The following ADAMTS19 variants were observed in gnomAD, a reference collection of about 807,000 sequenced individuals.
ADAMTS19 encodes A disintegrin and metalloproteinase with thrombospondin motifs 19.
ADAMTS19 carries 93 observed loss-of-function variants against 153.3 expected under a neutral mutation model. That is an observed-to-expected ratio of 0.61 (90% confidence interval 0.51 to 0.72). ADAMTS19 has a LOEUF of 0.72. ADAMTS19 is among the 30% of genes least tolerant of loss of function. The probability of loss-of-function intolerance (pLI) is 0.00; values close to 1 mark genes in which losing one functional copy is unlikely to be tolerated. For synonymous variants in ADAMTS19, 600 were observed against 556.6 expected (o/e 1.08, Z -1.10); for missense variants, 1,482 against 1,552.1 (o/e 0.95, Z 0.76).
At position 129,665,515 on chromosome 5, in the gene ADAMTS19, G is replaced by A; in HGVS notation, c.2442G>A (p.Leu814=). ...HTRGAGYVEV[L]VIPAGARRIK... ...CTCTTACAGGTTATGTAGAAGTGCT[G>A]GTGATACCTGCTGGAGCAAGAAGAA... is the stretch of plus-strand genomic sequence containing the variant. Residue 814 remains leucine, a synonymous_variant, in exon 16 of 23, where the codon CTG becomes CTA. Coordinates refer to ENST00000274487, the MANE Select transcript of ADAMTS19 (RefSeq NM_133638.6). 1 of 1,609,730 alleles carries A rather than the reference G, an allele frequency of 6.2e-7. No individual in the cohort carries two copies. The highest frequency in any genetic ancestry group is 8.5e-7 in the Non-Finnish European group (1 of 1,177,134).
chr5:129,735,154 G>T (rs368074603), intron 22 of ADAMTS19, 45 bp downstream of exon 22: 5 of 1,462,590 alleles, frequency 3.4e-6, no homozygotes, highest in South Asian at 1.4e-5. Flanking sequence ...ACATAGAAAT[G>T]CTTATGGCTT....
At chr5:129,477,952 G>A (rs1349403251) in intron 2 of ADAMTS19, among the ~76,000 whole-genome samples, 1 of 151,964 alleles carries the variant, frequency 6.6e-6, no homozygotes, top group Admixed American at 6.6e-5. Flanking sequence ...TCTATTCTCA[G>A]TATTCTTAAA....
At chr5:129,554,674 G>A (rs1240134456) in intron 7 of ADAMTS19, among the ~76,000 whole-genome samples, 2 of 152,008 alleles carry the variant, frequency 1.3e-5, no homozygotes, top group African/African-American at 4.8e-5. Flanking sequence ...TCTAATGTTT[G>A]GGTTTCTGAA....
intron 8 of ADAMTS19, among the ~76,000 whole-genome samples, chr5:129,602,824 C>CTGTG (rs763032232): frequency 7.1e-5 from 8 of 111,960 alleles, no homozygotes; most frequent in African/African-American, 2.9e-4. Flanking sequence ...GTCTTATATT[C>CTGTG]TCTGTGTGTG....
chr5:129,516,907 G>A (rs1209619281), intron 3 of ADAMTS19, among the ~76,000 whole-genome samples: 5 of 105,662 alleles, frequency 4.7e-5, no homozygotes, highest in African/African-American at 7.9e-5. Flanking sequence ...TTTTTTTTTC[G>A]ATGTAGGCAC....
At chr5:129,670,571 A>G (rs1244802778) in intron 16 of ADAMTS19, among the ~76,000 whole-genome samples, 1 of 152,148 alleles carries the variant, frequency 6.6e-6, no homozygotes, top group African/African-American at 2.4e-5. Context: ...CTGGGTTCTT[A>G]GGCACTGAAC....
At chr5:129,643,367 C>CAAA (rs556007087) in intron 11 of ADAMTS19, among the ~76,000 whole-genome samples, 9 of 40,344 alleles carry the variant, frequency 2.2e-4, no homozygotes, top group African/African-American at 5.2e-4. Flanking sequence ...GTTTCAAAGA[C>CAAA]AAAAAAAAAA....
At chr5:129,579,898 A>T (rs1749423968) in intron 7 of ADAMTS19, among the ~76,000 whole-genome samples, 1 of 152,210 alleles carries the variant, frequency 6.6e-6, no homozygotes, top group Non-Finnish European at 1.5e-5. Context: ...CTTTTTGCTT[A>T]GGATTTTCTT....
intron 16 of ADAMTS19, among the ~76,000 whole-genome samples, chr5:129,678,634 T>C (rs1399294285): frequency 6.6e-6 from 1 of 152,162 alleles, no homozygotes; most frequent in Non-Finnish European, 1.5e-5. Context: ...ATTATGGAAG[T>C]ATAAATTGAT....
At chr5:129,597,317 T>C (rs531927824) in intron 8 of ADAMTS19, among the ~76,000 whole-genome samples, 1 of 152,326 alleles carries the variant, frequency 6.6e-6, no homozygotes, top group East Asian at 1.9e-4. Context: ...GACACGTTTT[T>C]AAGTGCTTTG....
chr5:129,478,767 C>G (rs1750313728), intron 2 of ADAMTS19, among the ~76,000 whole-genome samples: 1 of 152,024 alleles, frequency 6.6e-6, no homozygotes, highest in African/African-American at 2.4e-5. Flanking sequence ...TGGTATTGAA[C>G]TGCTGAGCTC....
At chr5:129,642,060 G>T in intron 11 of ADAMTS19, 100 bp downstream of exon 11, 2 of 554,506 alleles carry the variant, frequency 3.6e-6, no homozygotes, top group South Asian at 4.2e-5. Flanking sequence ...TCTTAGCACT[G>T]ATGGAATAAT....
chr5:129,630,401 C>T (rs549477071), intron 10 of ADAMTS19, among the ~76,000 whole-genome samples: 130 of 152,030 alleles, frequency 8.6e-4, no homozygotes, highest in Middle Eastern at 3.4e-3. Context: ...GTGGTGTTGA[C>T]GAAAGGAGAG....
intron 7 of ADAMTS19, among the ~76,000 whole-genome samples, chr5:129,574,278 T>A (rs1397207914): frequency 1.3e-5 from 2 of 152,070 alleles, no homozygotes; most frequent in African/African-American, 4.8e-5. Context: ...AACTAACTTT[T>A]TTTTCGGCAT....
chr5:129,678,933 G>T (rs954949953), intron 16 of ADAMTS19, among the ~76,000 whole-genome samples: 4 of 152,074 alleles, frequency 2.6e-5, no homozygotes, highest in Non-Finnish European at 4.4e-5. Flanking sequence ...TCATGTACAT[G>T]TCTTTAGGAA....
At chr5:129,702,492 A>T (rs1755921094) in intron 20 of ADAMTS19, among the ~76,000 whole-genome samples, 1 of 152,186 alleles carries the variant, frequency 6.6e-6, no homozygotes, top group South Asian at 2.1e-4. Flanking sequence ...GAAAATGAGG[A>T]TAACATAGCT....
intron 6 of ADAMTS19, among the ~76,000 whole-genome samples, chr5:129,549,480 C>T (rs1180172484): frequency 6.6e-6 from 1 of 151,344 alleles, no homozygotes; most frequent in Non-Finnish European, 1.5e-5. Context: ...ATAGATTTTA[C>T]ACAATAATAA....
chr5:129,727,540 C>T (rs1187489595), intron 21 of ADAMTS19, among the ~76,000 whole-genome samples: 1 of 152,112 alleles, frequency 6.6e-6, no homozygotes, highest in African/African-American at 2.4e-5. Flanking sequence ...ATATTAGCAA[C>T]TTTCAAGTAT....
intron 11 of ADAMTS19, among the ~76,000 whole-genome samples, chr5:129,642,169 TTTTA>T (rs899014533): frequency 1.6e-4 from 25 of 151,822 alleles, no homozygotes; most frequent in African/African-American, 5.6e-4. Context: ...TGAGGTTTTA[TTTTA>T]TTTGTTATTT....
Sources: gnomAD v4.1 joint callset for allele counts (sites outside exome capture counted in the v4.1 genomes callset) on GRCh38, gnomAD v4.1.1 for gene constraint, MANE v1.5 for transcripts, NCBI Gene and HGNC (gene_info 2026-07-23, HGNC 2026-07-21) for gene names.